Variants in SPMIP7 observed in about 807,000 individuals in gnomAD.
The protein encoded by SPMIP7 is sperm microtubule inner protein 7.
chr7:50,115,328 A>G, the SPMIP7 span, among the ~76,000 whole-genome samples: 1 of 152,220 alleles, frequency 6.6e-6, no homozygotes, highest in Non-Finnish European at 1.5e-5. Context: ...ACAAACTTAT[A>G]GGACTGAAAG....
At chr7:50,104,262 A>C in the SPMIP7 span, 6 of 848,708 alleles carry the variant, frequency 7.1e-6, no homozygotes, top group East Asian at 1.4e-4. Context: ...TTGAAAAAGA[A>C]CTTTTATTGT....
chr7:50,157,336 TGGA>T, the SPMIP7 span, among the ~76,000 whole-genome samples: 1 of 152,010 alleles, frequency 6.6e-6, no homozygotes, highest in East Asian at 1.9e-4. Context: ...GTGTTAGAGG[TGGA>T]GAAGAAGGGA....
chr7:50,096,128 TCTAA>T, the SPMIP7 span: 1 of 1,533,876 alleles, frequency 6.5e-7, no homozygotes, highest in African/African-American at 1.4e-5. Context: ...GATAAGTATC[TCTAA>T]AAGGTCCATC....
chr7:50,123,690 A>G, the SPMIP7 span, among the ~76,000 whole-genome samples: 5 of 152,206 alleles, frequency 3.3e-5, no homozygotes, highest in African/African-American at 1.2e-4. Context: ...TGTTTCTTCT[A>G]GAGGAGTCAC....
At chr7:50,133,255 G>A in the SPMIP7 span, among the ~76,000 whole-genome samples, 1 of 141,790 alleles carries the variant, frequency 7.1e-6, no homozygotes, top group East Asian at 2.2e-4. Flanking sequence ...GTGTGTGTGT[G>A]TTTAAAATAA....
chr7:50,123,255 A>C, the SPMIP7 span, among the ~76,000 whole-genome samples: 4 of 126,718 alleles, frequency 3.2e-5, no homozygotes, highest in Non-Finnish European at 6.5e-5. Flanking sequence ...TGATGAGTTC[A>C]TGTCCTTTGT....
chr7:50,151,388 A>T, the SPMIP7 span: 3 of 1,293,050 alleles, frequency 2.3e-6, no homozygotes, highest in Non-Finnish European at 3.2e-6. Context: ...AGTTACCATG[A>T]CAATTTCACA....
At chr7:50,125,263 CACAT>C in the SPMIP7 span, among the ~76,000 whole-genome samples, 20 of 91,034 alleles carry the variant, frequency 2.2e-4, no homozygotes, top group Admixed American at 1.2e-3. Context: ...TATATATACA[CACAT>C]ATATATACAC....
At chr7:50,155,502 C>T in the SPMIP7 span, among the ~76,000 whole-genome samples, 3 of 152,294 alleles carry the variant, frequency 2.0e-5, 1 homozygote, top group East Asian at 5.8e-4. Context: ...GTCAGTGCAG[C>T]TATAAACAAT....
At chr7:50,106,794 C>A in the SPMIP7 span, among the ~76,000 whole-genome samples, 4 of 152,042 alleles carry the variant, frequency 2.6e-5, no homozygotes, top group South Asian at 8.3e-4. Flanking sequence ...TATAAATTAC[C>A]AAATGGAAAT....
At chr7:50,105,482 C>T in the SPMIP7 span, among the ~76,000 whole-genome samples, 1 of 151,984 alleles carries the variant, frequency 6.6e-6, no homozygotes, top group East Asian at 1.9e-4. Flanking sequence ...TTTTTCTCAC[C>T]TTTTCCTTCA....
the SPMIP7 span, among the ~76,000 whole-genome samples, chr7:50,124,864 C>T: frequency 6.6e-6 from 1 of 151,714 alleles, no homozygotes; most frequent in African/African-American, 2.4e-5. Flanking sequence ...TTTGGGAGGC[C>T]AAGTTGGGTG....
the SPMIP7 span, among the ~76,000 whole-genome samples, chr7:50,132,720 A>C: frequency 2.0e-5 from 3 of 152,182 alleles, no homozygotes; most frequent in Admixed American, 2.0e-4. Context: ...CTTCTATGAC[A>C]CTAATTTTAA....
the SPMIP7 span, among the ~76,000 whole-genome samples, chr7:50,155,077 T>A: frequency 6.6e-6 from 1 of 152,238 alleles, no homozygotes; most frequent in Non-Finnish European, 1.5e-5. Context: ...TCTTTATAAA[T>A]TTTGGATATT....
chr7:50,116,796 T>C, the SPMIP7 span, among the ~76,000 whole-genome samples: 1 of 152,296 alleles, frequency 6.6e-6, no homozygotes, highest in East Asian at 1.9e-4. Flanking sequence ...AGACTATTCT[T>C]AAGTAGAGGG....
chr7:50,131,068 G>A, the SPMIP7 span, among the ~76,000 whole-genome samples: 1 of 152,152 alleles, frequency 6.6e-6, no homozygotes, highest in Non-Finnish European at 1.5e-5. Context: ...AATAATCATG[G>A]TGGCTGCTGT....
At chr7:50,125,207 CATATATATACACATATATACACAT>C in the SPMIP7 span, among the ~76,000 whole-genome samples, 1 of 86,252 alleles carries the variant, frequency 1.2e-5, no homozygotes, top group Non-Finnish European at 2.7e-5. Flanking sequence ...TATATATACA[CATATATATACACATATATACACAT>C]ATATATACAC....
chr7:50,145,907 A>G, the SPMIP7 span, among the ~76,000 whole-genome samples: 1 of 151,710 alleles, frequency 6.6e-6, no homozygotes, highest in Non-Finnish European at 1.5e-5. Flanking sequence ...GGACGTTACA[A>G]GGTTTCATAT....
the SPMIP7 span, among the ~76,000 whole-genome samples, chr7:50,136,426 G>A: frequency 2.1e-5 from 3 of 146,090 alleles, no homozygotes; most frequent in East Asian, 6.2e-4. Context: ...AGCTACTTGG[G>A]AGGCTGAGGC....
Sources: gnomAD v4.1 joint callset for allele counts (sites outside exome capture counted in the v4.1 genomes callset) on GRCh38, gnomAD v4.1.1 for gene constraint, MANE v1.5 for transcripts, NCBI Gene and HGNC (gene_info 2026-07-23, HGNC 2026-07-21) for gene names.